TPO: variants seen among roughly 807,000 people sequenced by gnomAD.
TPO encodes thyroid peroxidase.
A neutral mutation model predicts 96.9 loss-of-function variants in TPO; 78 were observed. The observed-to-expected ratio is 0.81, with a 90% CI of 0.67 to 0.97. The LOEUF (loss-of-function observed/expected upper bound fraction) is 0.97, where lower values mean the gene tolerates loss of function less well. Ranked by LOEUF, TPO falls within the 50% of genes least tolerant of loss-of-function variation. The probability of loss-of-function intolerance (pLI) is 0.00; values close to 1 mark genes in which losing one functional copy is unlikely to be tolerated. For missense variants in TPO, 1,252 were observed against 1,274.8 expected, an observed-to-expected ratio of 0.98 and a Z score of 0.27; for synonymous variants, 547 against 538.0, an observed-to-expected ratio of 1.02 and a Z score of -0.23.
chr2:1,471,440 A>ACCCC (rs199893928), intron 7 of TPO, among the ~76,000 whole-genome samples: 2 of 146,018 alleles, frequency 1.4e-5, no homozygotes, highest in African/African-American at 5.1e-5. Context: ...TTTTCCTGTG[A>ACCCC]CCCCCCCCCA....
chr2:1,402,093 G>A (rs372890417), intron 1 of TPO, among the ~76,000 whole-genome samples: 5 of 152,280 alleles, frequency 3.3e-5, no homozygotes, highest in East Asian at 1.9e-4. Flanking sequence ...AAGGGCTGAC[G>A]GTTACCTCTG....
intron 1 of TPO, among the ~76,000 whole-genome samples, chr2:1,387,952 T>A (rs1245223875): frequency 6.6e-6 from 1 of 152,252 alleles, no homozygotes; most frequent in Non-Finnish European, 1.5e-5. Flanking sequence ...GCTGCAGGTC[T>A]GTTGGAGTTT....
chr2:1,442,541 A>T (rs964533638), intron 5 of TPO, among the ~76,000 whole-genome samples: 1 of 152,252 alleles, frequency 6.6e-6, no homozygotes, highest in African/African-American at 2.4e-5. Flanking sequence ...TAGATACTTC[A>T]TATAGAATTT....
chr2:1,425,017 C>A lies in TPO; in HGVS notation c.179+1888C>A, dbSNP rs113383667. Among the ~76,000 whole-genome samples the A allele has an allele frequency of 3.5e-4, 13 of 36,690 alleles. 4 individuals carry two copies. The highest frequency in any genetic ancestry group is 1.4e-3 in the Admixed American group (6 of 4,386). The allele number at this position is 36,690 out of a possible 152,430, so 24.1% of individuals were successfully genotyped here. ...AGAGATGAGTTTGATCATTTCATAT[C>A]CTCAGAAGTCCGTGCCCCTTCTGTA... is the stretch of plus-strand genomic sequence containing the variant. On this transcript the variant is annotated intron_variant, in intron 3 of 16. Coordinates refer to ENST00000329066, the MANE Select transcript of TPO (RefSeq NM_001206744.2).
rs547704758 is a variant in TPO at position 1,525,364 on chromosome 2, C to A, written c.2618+8382C>A. 2.1e-5 allele frequency among the ~76,000 whole-genome samples: 3 copies of A among 144,636 alleles called. No homozygotes were observed. In the South Asian group the frequency reaches 6.9e-4, roughly 33 times the overall value. The allele number at this position is 144,636 out of a possible 152,430, so 94.9% of individuals were successfully genotyped here. A position where few individuals can be genotyped will look rare whatever the true frequency, so the allele number is the denominator to read the frequency against. The stretch of plus-strand genomic sequence containing the variant: ...ATGTGCAACTCCACCAAATCTCCCC[C>A]ACTGTGAGCAAAACCACAAATCCCC... On this transcript the variant is annotated intron_variant, in intron 15 of 16. Transcript: ENST00000329066.
chr2:1,411,205 A>G (rs891142715), upstream of TPO, among the ~76,000 whole-genome samples: 1 of 152,136 alleles, frequency 6.6e-6, no homozygotes, highest in African/African-American at 2.4e-5. Flanking sequence ...TGCATTATTT[A>G]TATTGTTTAA....
chr2:1,419,415 A>T (rs370353425), intron 2 of TPO, among the ~76,000 whole-genome samples: 25 of 152,338 alleles, frequency 1.6e-4, no homozygotes, highest in African/African-American at 6.0e-4. Flanking sequence ...CCCTGGTGGC[A>T]GGAGAGCTAA....
rs747124964 is a variant in TPO, at chr2:1,487,975, G to A, written c.1752G>A (p.Arg584=). The A allele has an allele frequency of 6.2e-7, 1 of 1,613,356 alleles. No individual in the cohort carries two copies. The highest frequency in any genetic ancestry group is 1.1e-5 in the South Asian group (1 of 91,038). Residue 584 remains arginine, a synonymous_variant, in exon 10 of 17, where the codon CGG becomes CGA. Coordinates refer to ENST00000329066, the MANE Select transcript of TPO (RefSeq NM_001206744.2). ...CGTCCATCAACCTGCAGAGGGGCCG[G>A]GACCACGGGCTGCCAGGTCTGCCAG... The part of the protein sequence containing the change: ...DLASINLQRG[R]DHGLPGYNEW...
intron 10 of TPO, among the ~76,000 whole-genome samples, chr2:1,490,819 C>G (rs563702854): frequency 6.6e-6 from 1 of 152,198 alleles, no homozygotes; most frequent in African/African-American, 2.4e-5. Flanking sequence ...ATTTCCACTA[C>G]GCCCTGAAAT....
chr2:1,433,679 C>A (rs1443494772), intron 4 of TPO, 72 bp downstream of exon 4: 2 of 1,554,816 alleles, frequency 1.3e-6, no homozygotes, highest in Non-Finnish European at 1.7e-6. Context: ...TGTGCAGGGG[C>A]TGCTTGCTCA....
chr2:1,397,414 C>T (rs913934723), intron 1 of TPO, among the ~76,000 whole-genome samples: 4 of 152,138 alleles, frequency 2.6e-5, no homozygotes, highest in Non-Finnish European at 4.4e-5. Context: ...CTGCAGATGC[C>T]GTGGCCCAGG....
intron 7 of TPO, among the ~76,000 whole-genome samples, chr2:1,457,996 G>C (rs2148602366): frequency 6.6e-6 from 1 of 151,200 alleles, no homozygotes; most frequent in East Asian, 2.0e-4. Context: ...GGGCACGTGT[G>C]TATATGGCAT....
At chr2:1,456,717 A>G (rs1268449055) in intron 7 of TPO, among the ~76,000 whole-genome samples, 1 of 31,432 alleles carries the variant, frequency 3.2e-5, no homozygotes, top group Admixed American at 3.7e-4. Flanking sequence ...CTCTGGGTAC[A>G]CATATATGTA....
intron 7 of TPO, among the ~76,000 whole-genome samples, chr2:1,475,604 A>T (rs1266484640): frequency 4.4e-4 from 66 of 151,622 alleles, no homozygotes; most frequent in Non-Finnish European, 2.4e-4. Flanking sequence ...TTTGTATTTT[A>T]AGTAGAGACG....
Position 1,456,299 on chromosome 2 carries a change from G to A in TPO, c.819+17G>A, listed in dbSNP as rs776616790. On this transcript the variant is annotated intron_variant, in intron 7 of 16. Coordinates refer to ENST00000329066, the MANE Select transcript of TPO (RefSeq NM_001206744.2). Reference sequence around the variant, plus strand: ...CCCATACAAGTAAGTTTTAGAAAACGTTTCTATGTTTGTTATGAAACTAAG... The same window carrying A: ...CCCATACAAGTAAGTTTTAGAAAACATTTCTATGTTTGTTATGAAACTAAG... 1.8e-5 allele frequency: 29 copies of A among 1,612,364 alleles called. No individual in the cohort carries two copies. The highest frequency in any genetic ancestry group is 1.3e-4 in the South Asian group (12 of 90,918).
upstream of TPO, among the ~76,000 whole-genome samples, chr2:1,408,793 C>T (rs1662284083): frequency 6.6e-6 from 1 of 152,212 alleles, no homozygotes; most frequent in Non-Finnish European, 1.5e-5. Context: ...TGCAACTTTT[C>T]AATGAAGCAT....
intron 1 of TPO, among the ~76,000 whole-genome samples, chr2:1,376,880 A>G (rs940378011): frequency 6.6e-6 from 1 of 152,270 alleles, no homozygotes; most frequent in Non-Finnish European, 1.5e-5. Context: ...ATCTAAAAAA[A>G]GTAAAATTCC....
chr2:1,379,684 G>A (rs958779711), intron 1 of TPO, among the ~76,000 whole-genome samples: 8 of 152,100 alleles, frequency 5.3e-5, no homozygotes, highest in Admixed American at 1.3e-4. Context: ...TAAACACAAG[G>A]GTTTTCCAGG....
intron 5 of TPO, among the ~76,000 whole-genome samples, chr2:1,453,226 G>A (rs2009364): frequency 0.38 from 57,191 of 152,084 alleles, 10,946 homozygotes; most frequent in South Asian, 0.48. Context: ...CCACAAGTTC[G>A]CCTGGACAAT....
Sources: allele counts gnomAD v4.1 joint callset (sites outside exome capture counted in the v4.1 genomes callset), GRCh38; gene constraint gnomAD v4.1.1; transcripts MANE v1.5; gene names NCBI Gene and HGNC (gene_info 2026-07-23, HGNC 2026-07-21).